Variants in ULK2 observed in about 807,000 individuals in gnomAD.
The protein encoded by ULK2 is serine/threonine-protein kinase ULK2.
Under a neutral mutation model 127.5 loss-of-function variants are expected in ULK2, and 76 were observed. The ratio of observed to expected loss-of-function variants is 0.60; its 90% CI spans 0.50 to 0.72. The LOEUF (loss-of-function observed/expected upper bound fraction) is 0.72. Ranked by LOEUF, ULK2 falls within the 30% of genes least tolerant of loss-of-function variation. ULK2 has a pLI of 0.00. For synonymous variants in ULK2, 452 were observed against 461.9 expected, an observed-to-expected ratio of 0.98 and a Z score of 0.28; for missense variants, 1,144 against 1,295.9, an observed-to-expected ratio of 0.88 and a Z score of 1.80.
rs549174035 is a variant in ULK2 at position 19,839,376 on chromosome 17, T to C, written c.705-793A>G. On this transcript the variant is annotated intron_variant, in intron 9 of 26. Transcript: ENST00000395544. ...AAAGAATAAGAATTACAAAAAGATA[T>C]TAAACAGGCTGGGCACGGTGTCTCA... is the stretch of plus-strand genomic sequence containing the variant. 7.4e-4 allele frequency among the ~76,000 whole-genome samples: 113 copies of C among 151,968 alleles called. 2 individuals are homozygous for C. Among genetic ancestry groups the C allele is most frequent in the Non-Finnish European group, 7.7e-4 (52 of 67,922 alleles).
At position 19,846,870 on chromosome 17, in the gene ULK2, C is replaced by G. The variant is rs1446454373; in HGVS notation, c.336G>C (p.Leu112=). 1.2e-6 allele frequency: 2 copies of G among 1,613,546 alleles called. No individual in the cohort carries two copies. The highest frequency in any genetic ancestry group is 1.7e-6 in the Non-Finnish European group (2 of 1,179,808). The stretch of plus-strand genomic sequence containing the variant: ...TTCGCATGGCAGCAGCAATCTGATG[C>G]AGAAACACTCTGATCGTGTCTTCAC... The part of the protein sequence containing the change: ...TLSEDTIRVF[L]HQIAAAMRIL... The change falls in exon 6 of 27, where the codon CTG becomes CTC. Residue 112 remains leucine (L), a synonymous_variant. Coordinates refer to ENST00000395544, the MANE Select transcript of ULK2 (RefSeq NM_014683.4).
Position 19,829,873 on chromosome 17 carries a change from A to G in ULK2, c.788-3687T>C, listed in dbSNP as rs1281665593. ...AAAAAAAAAGGTATTAAATAATGAT[A>G]GAAGGGTCAATTAACCAAGAAAATT... On this transcript the variant is annotated intron_variant, in intron 10 of 26. Coordinates refer to ENST00000395544, the MANE Select transcript of ULK2 (RefSeq NM_014683.4). 2.0e-5 allele frequency among the ~76,000 whole-genome samples: 3 copies of G among 151,556 alleles called. No homozygotes were observed. In the East Asian group the frequency reaches 5.8e-4, roughly 29 times the overall value.
At chr17:19,824,442 A>T (rs1455309362) in intron 12 of ULK2, among the ~76,000 whole-genome samples, 2 of 134,258 alleles carry the variant, frequency 1.5e-5, no homozygotes, top group Non-Finnish European at 3.1e-5. Flanking sequence ...GCGAAACTCC[A>T]TCTCAAAAAA....
At chr17:19,812,356 T>C (rs907820486) in intron 13 of ULK2, among the ~76,000 whole-genome samples, 1 of 152,212 alleles carries the variant, frequency 6.6e-6, no homozygotes, top group African/African-American at 2.4e-5. Context: ...GTAACCATTT[T>C]ACTATATATA....
At chr17:19,779,297 G>A (rs993344805) in intron 25 of ULK2, among the ~76,000 whole-genome samples, 2 of 151,774 alleles carry the variant, frequency 1.3e-5, no homozygotes, top group East Asian at 1.9e-4. Context: ...TTGGGAGGCC[G>A]AGGTGGGTGG....
chr17:19,824,495 AG>A (rs2041240504), intron 12 of ULK2, among the ~76,000 whole-genome samples: 1 of 140,220 alleles, frequency 7.1e-6, no homozygotes, highest in Non-Finnish European at 1.6e-5. Flanking sequence ...AGAGTGGAGT[AG>A]GAAGAAGTGA....
intron 10 of ULK2, among the ~76,000 whole-genome samples, chr17:19,833,692 G>A (rs189614339): frequency 1.2e-3 from 185 of 152,224 alleles, no homozygotes; most frequent in Non-Finnish European, 2.4e-3. Flanking sequence ...CAGAAAATCT[G>A]GAGTTAAAAA....
intron 20 of ULK2, among the ~76,000 whole-genome samples, chr17:19,790,696 G>T (rs955126198): frequency 3.3e-5 from 5 of 152,190 alleles, no homozygotes; most frequent in Non-Finnish European, 7.3e-5. Flanking sequence ...CTTCAGCCAT[G>T]AGTTAAAAGA....
At chr17:19,812,069 T>C (rs2087653865) in intron 13 of ULK2, among the ~76,000 whole-genome samples, 1 of 152,074 alleles carries the variant, frequency 6.6e-6, no homozygotes, top group Non-Finnish European at 1.5e-5. Flanking sequence ...CCCAAGAAGA[T>C]AGAACCTTAG....
chr17:19,792,763 C>T (rs917039956), intron 20 of ULK2, among the ~76,000 whole-genome samples: 1 of 152,056 alleles, frequency 6.6e-6, no homozygotes, highest in Non-Finnish European at 1.5e-5. Flanking sequence ...CCCAGCCAGT[C>T]TCTCTACAGA....
chr17:19,805,895 G>A (rs1044775019), intron 14 of ULK2, among the ~76,000 whole-genome samples: 1 of 152,200 alleles, frequency 6.6e-6, no homozygotes, highest in Non-Finnish European at 1.5e-5. Flanking sequence ...CTATAGTTAG[G>A]ACCCTGTGGT....
chr17:19,864,390 G>A (rs1433876397), intron 3 of ULK2, among the ~76,000 whole-genome samples: 2 of 151,792 alleles, frequency 1.3e-5, no homozygotes, highest in Non-Finnish European at 2.9e-5. Context: ...CAGGAGAATC[G>A]CTTAAACCCG....
chr17:19,799,705 C>CTAA lies in ULK2; in HGVS notation c.1442-131_1442-130insTTA, dbSNP rs996562855. The CTAA allele has an allele frequency of 1.1e-5, 9 of 808,014 alleles. No individual in the cohort carries two copies. In the Admixed American group the frequency reaches 1.4e-4, roughly 13 times the overall value. 50.1% of individuals were successfully genotyped at this position (808,014 alleles called of 1,614,324 possible). A position where few individuals can be genotyped will look rare whatever the true frequency, so the allele number is the denominator to read the frequency against. On this transcript the variant is annotated intron_variant, in intron 16 of 26. Transcript: ENST00000395544. Reference sequence around the variant, plus strand: ...TGGTTAGAAAATTTTAAGTAACAAACGTTTAGTTCAACTAACATTTACTGG... The same window carrying CTAA: ...TGGTTAGAAAATTTTAAGTAACAAACTAAGTTTAGTTCAACTAACATTTACTGG...
intron 15 of ULK2, 99 bp from the exon 16 acceptor site, chr17:19,802,021 C>CA: frequency 7.5e-7 from 1 of 1,337,630 alleles, no homozygotes; most frequent in Non-Finnish European, 1.0e-6. Context: ...GAGTAGTTTT[C>CA]AAAAATATGT....
At position 19,867,444 on chromosome 17, in the gene ULK2, A is replaced by G. The variant is rs780526876; in HGVS notation, c.-27T>C. ...GCCGCGCCCCCGGGGCACACAGCGG[A>G]CGGGCGGGCGGCGCAGTGCGGCGCA... is the stretch of plus-strand genomic sequence containing the variant. On this transcript the variant is annotated 5_prime_UTR_variant, in exon 1 of 27. Coordinates refer to ENST00000395544, the MANE Select transcript of ULK2 (RefSeq NM_014683.4). 1.1e-5 allele frequency: 18 copies of G among 1,578,306 alleles called. No individual in the cohort carries two copies. Among genetic ancestry groups the G allele is most frequent in the Non-Finnish European group, 1.5e-5 (17 of 1,163,896 alleles).
At chr17:19,806,769 C>CA (rs1289765897) in intron 14 of ULK2, among the ~76,000 whole-genome samples, 1 of 152,218 alleles carries the variant, frequency 6.6e-6, no homozygotes, top group Non-Finnish European at 1.5e-5. Context: ...TCCTCACCTC[C>CA]ACTAGGGCCT....
intron 7 of ULK2, among the ~76,000 whole-genome samples, chr17:19,843,919 A>G (rs1263536665): frequency 6.6e-6 from 1 of 152,038 alleles, no homozygotes; most frequent in African/African-American, 2.4e-5. Context: ...CAGCCTCCCA[A>G]AGTGCTGGGA....
In ULK2 at chr17:19,777,463, G is replaced by T. The variant is rs527957666; in HGVS notation, c.3052+118C>A. The T allele has an allele frequency of 6.0e-6, 7 of 1,157,814 alleles. No homozygotes were observed. The South Asian group carries it at 1.0e-4, about 17-fold the overall frequency. The allele number at this position is 1,157,814 out of a possible 1,614,324, so 71.7% of individuals were successfully genotyped here. On this transcript the variant is annotated intron_variant, in intron 26 of 26. Transcript: ENST00000395544. ...ACACAAAGGCTGTGATTTGCACAAGGCTGGAAAGCCACGATTCAAACCAAG... is the reference window on the plus strand; with the variant it reads ...ACACAAAGGCTGTGATTTGCACAAGTCTGGAAAGCCACGATTCAAACCAAG...
intron 13 of ULK2, 68 bp from the exon 14 acceptor site, chr17:19,810,506 A>C: frequency 2.0e-6 from 2 of 993,038 alleles, no homozygotes; most frequent in Non-Finnish European, 3.1e-6. Flanking sequence ...AATTTGTTCC[A>C]AAATGATTAT....
Sources: allele counts gnomAD v4.1 joint callset (sites outside exome capture counted in the v4.1 genomes callset), GRCh38; gene constraint gnomAD v4.1.1; transcripts MANE v1.5; gene names NCBI Gene and HGNC (gene_info 2026-07-23, HGNC 2026-07-21).